The following SCHIP1 variants were observed in gnomAD, a reference collection of about 807,000 sequenced individuals.
The protein encoded by SCHIP1 is schwannomin interacting protein 1.
In SCHIP1, 8 loss-of-function variants were observed where a neutral mutation model predicts 29.7. That is an observed-to-expected ratio of 0.27 (90% confidence interval 0.16 to 0.49). The LOEUF (loss-of-function observed/expected upper bound fraction) is 0.49, where lower values mean the gene tolerates loss of function less well. Ranked by LOEUF, SCHIP1 falls within the 20% of genes least tolerant of loss-of-function variation. The probability of loss-of-function intolerance (pLI) is 0.99; values close to 1 mark genes in which losing one functional copy is unlikely to be tolerated. For missense variants in SCHIP1, 193 were observed against 294.6 expected, an observed-to-expected ratio of 0.66 and a Z score of 2.52; for synonymous variants, 76 against 94.9, an observed-to-expected ratio of 0.80 and a Z score of 1.16.
intron 6 of SCHIP1, chr3:159,892,831 T>A (rs1717676933): frequency 6.5e-6 from 1 of 152,678 alleles, no homozygotes; most frequent in Non-Finnish European, 1.5e-5. Context: ...GGAAAGCATG[T>A]CACTGTAAGT....
the SCHIP1 span, among the ~76,000 whole-genome samples, chr3:159,680,507 CA>C: frequency 0.027 from 2,459 of 92,702 alleles, 109 homozygotes; most frequent in African/African-American, 0.1. Context: ...GATCTTGTCT[CA>C]AAAAAAAAAT....
the SCHIP1 span, among the ~76,000 whole-genome samples, chr3:159,716,311 G>A: frequency 6.6e-6 from 1 of 152,200 alleles, no homozygotes; most frequent in Non-Finnish European, 1.5e-5. Context: ...AAATTGTAAA[G>A]ACCATTGATG....
At chr3:159,321,781 A>G in the SCHIP1 span, among the ~76,000 whole-genome samples, 2 of 152,164 alleles carry the variant, frequency 1.3e-5, no homozygotes. Flanking sequence ...CTACGCAGGT[A>G]AAGAAAAAGG....
At chr3:159,425,246 C>A in the SCHIP1 span, among the ~76,000 whole-genome samples, 1 of 152,072 alleles carries the variant, frequency 6.6e-6, no homozygotes, top group Non-Finnish European at 1.5e-5. Flanking sequence ...CACAGACTGG[C>A]AAATTGGATA....
chr3:159,785,102 A>G, the SCHIP1 span, among the ~76,000 whole-genome samples: 1 of 152,258 alleles, frequency 6.6e-6, no homozygotes, highest in Non-Finnish European at 1.5e-5. Flanking sequence ...TTTGCTTCAT[A>G]GCTCAGAGAC....
chr3:159,758,396 C>T, the SCHIP1 span, among the ~76,000 whole-genome samples: 1 of 152,184 alleles, frequency 6.6e-6, no homozygotes, highest in Non-Finnish European at 1.5e-5. Flanking sequence ...TGTGATCCGC[C>T]CGCCTCAGCC....
At chr3:159,592,499 C>T in the SCHIP1 span, among the ~76,000 whole-genome samples, 1 of 151,994 alleles carries the variant, frequency 6.6e-6, no homozygotes, top group African/African-American at 2.4e-5. Context: ...GTCCCCTACC[C>T]TGCAGTAACA....
the SCHIP1 span, among the ~76,000 whole-genome samples, chr3:159,363,444 A>G: frequency 1.3e-5 from 2 of 152,210 alleles, no homozygotes; most frequent in Admixed American, 6.5e-5. Flanking sequence ...AATAGTAATG[A>G]GCCCAAAGGA....
the SCHIP1 span, among the ~76,000 whole-genome samples, chr3:159,451,988 A>G: frequency 6.6e-6 from 1 of 152,236 alleles, no homozygotes; most frequent in African/African-American, 2.4e-5. Context: ...TCTAATCTTA[A>G]TATGAAGATG....
the SCHIP1 span, among the ~76,000 whole-genome samples, chr3:159,366,464 G>A: frequency 6.6e-6 from 1 of 152,208 alleles, no homozygotes; most frequent in South Asian, 2.1e-4. Flanking sequence ...AAATCCTTGT[G>A]TCAGCACTTG....
At chr3:159,525,806 G>C in the SCHIP1 span, among the ~76,000 whole-genome samples, 2 of 152,152 alleles carry the variant, frequency 1.3e-5, no homozygotes, top group Non-Finnish European at 1.5e-5. Flanking sequence ...CAGAACAATT[G>C]GACAGCCTGG....
the SCHIP1 span, among the ~76,000 whole-genome samples, chr3:159,279,254 A>G: frequency 6.6e-6 from 1 of 152,144 alleles, no homozygotes; most frequent in African/African-American, 2.4e-5. Context: ...ATGGTTTTAT[A>G]AAGGGCAGTT....
the SCHIP1 span, among the ~76,000 whole-genome samples, chr3:159,526,092 G>T: frequency 6.6e-6 from 1 of 152,102 alleles, no homozygotes; most frequent in African/African-American, 2.4e-5. Flanking sequence ...CAATATATTT[G>T]TCTTTTCTTC....
the SCHIP1 span, among the ~76,000 whole-genome samples, chr3:159,498,715 C>T: frequency 6.6e-6 from 1 of 151,744 alleles, no homozygotes; most frequent in Admixed American, 6.6e-5. Context: ...CCAAAATGCT[C>T]ACAGCAGTCC....
chr3:159,312,338 G>A, the SCHIP1 span, among the ~76,000 whole-genome samples: 1 of 152,140 alleles, frequency 6.6e-6, no homozygotes, highest in Non-Finnish European at 1.5e-5. Flanking sequence ...CCATGGCTCA[G>A]TAACCTAGGC....
the SCHIP1 span, among the ~76,000 whole-genome samples, chr3:159,801,394 T>C: frequency 1.3e-5 from 2 of 152,218 alleles, no homozygotes; most frequent in Non-Finnish European, 2.9e-5. Flanking sequence ...ATTAAATCCA[T>C]ACTTACACCC....
intron 1 of SCHIP1, among the ~76,000 whole-genome samples, chr3:159,856,318 A>G (rs1054983659): frequency 6.6e-6 from 1 of 152,182 alleles, no homozygotes; most frequent in Non-Finnish European, 1.5e-5. Flanking sequence ...GGGGAGGCAC[A>G]TAAAGGAACA....
chr3:159,559,915 A>G, the SCHIP1 span, among the ~76,000 whole-genome samples: 5 of 152,324 alleles, frequency 3.3e-5, no homozygotes, highest in Admixed American at 1.3e-4. Flanking sequence ...ACATTCTTAA[A>G]TGACTGATTA....
chr3:159,337,433 T>C, the SCHIP1 span, among the ~76,000 whole-genome samples: 24 of 152,174 alleles, frequency 1.6e-4, no homozygotes, highest in Non-Finnish European at 2.8e-4. Context: ...GACATGATTG[T>C]ATATCCAGAA....
Sources: gnomAD v4.1 joint callset for allele counts (sites outside exome capture counted in the v4.1 genomes callset) on GRCh38, gnomAD v4.1.1 for gene constraint, MANE v1.5 for transcripts, NCBI Gene and HGNC (gene_info 2026-07-23, HGNC 2026-07-21) for gene names.